CLEC9A: variants seen among roughly 807,000 people sequenced by gnomAD.
The protein encoded by CLEC9A is C-type lectin domain containing 9A, also known as C-type lectin domain family 9 member A.
A neutral mutation model predicts 30.0 loss-of-function variants in CLEC9A; 24 were observed. That is an observed-to-expected ratio of 0.80 (90% CI 0.58 to 1.13). CLEC9A has a LOEUF of 1.13. Ranked by LOEUF, CLEC9A falls within the 50% of genes most tolerant of loss-of-function variation. The probability of loss-of-function intolerance (pLI) is 0.00; values close to 1 mark genes in which losing one functional copy is unlikely to be tolerated. For synonymous variants in CLEC9A, 111 were observed against 96.8 expected (o/e 1.15, Z -0.86); for missense variants, 251 against 280.9 (o/e 0.89, Z 0.76).
intron 5 of CLEC9A, among the ~76,000 whole-genome samples, chr12:10,059,417 A>AACTCAAAATAG (rs1412818470): frequency 1.3e-5 from 2 of 152,238 alleles, no homozygotes; most frequent in Non-Finnish European, 2.9e-5. Context: ...ATTAAAAGTT[A>AACTCAAAATAG]ACTCAAAATA....
chr12:10,049,267 G>T (rs1300849460), intron 2 of CLEC9A, among the ~76,000 whole-genome samples: 2 of 152,142 alleles, frequency 1.3e-5, no homozygotes, highest in Non-Finnish European at 2.9e-5. Flanking sequence ...TAGAGAATAG[G>T]CAGGGTATAT....
chr12:10,032,392 T>TTA (rs1865706210), intron 1 of CLEC9A, among the ~76,000 whole-genome samples: 1 of 146,268 alleles, frequency 6.8e-6, no homozygotes, highest in South Asian at 2.2e-4. Flanking sequence ...GGGATTTCTT[T>TTA]TTTTTTTTTT....
At chr12:10,038,741 A>G (rs1251199557) in intron 1 of CLEC9A, among the ~76,000 whole-genome samples, 5 of 152,244 alleles carry the variant, frequency 3.3e-5, no homozygotes, top group African/African-American at 7.2e-5. Context: ...TTTCAATGCA[A>G]GCTAAAATAA....
chr12:10,040,941 A>G, intron 1 of CLEC9A: 1 of 198,096 alleles, frequency 5.0e-6, no homozygotes. Flanking sequence ...TATGTAATAA[A>G]ACAATCAGAA....
intron 4 of CLEC9A, among the ~76,000 whole-genome samples, 199 bp from the exon 5 acceptor site, chr12:10,054,072 T>G (rs1415827297): frequency 6.6e-6 from 1 of 152,236 alleles, no homozygotes; most frequent in Non-Finnish European, 1.5e-5. Context: ...TCACATATAT[T>G]CCAAGTTATG....
intron 2 of CLEC9A, among the ~76,000 whole-genome samples, chr12:10,047,639 G>A (rs1451297231): frequency 6.6e-6 from 1 of 152,136 alleles, no homozygotes; most frequent in Non-Finnish European, 1.5e-5. Flanking sequence ...CCACAATAAA[G>A]CAATTATTGC....
At chr12:10,032,385 A>AT (rs1360736331) in intron 1 of CLEC9A, among the ~76,000 whole-genome samples, 2 of 86,932 alleles carry the variant, frequency 2.3e-5, no homozygotes, top group South Asian at 4.7e-4. Flanking sequence ...CTCCTTAGGG[A>AT]TTTCTTTTTT....
At chr12:10,038,497 T>G (rs1311405551) in intron 1 of CLEC9A, among the ~76,000 whole-genome samples, 2 of 152,140 alleles carry the variant, frequency 1.3e-5, no homozygotes, top group Non-Finnish European at 2.9e-5. Flanking sequence ...TATTGAGAAG[T>G]CTAACATTCT....
Position 10,054,346 on chromosome 12 carries a change from T to G in CLEC9A, c.167T>G (p.Val56Gly). The G allele has an allele frequency of 6.2e-7, 1 of 1,606,588 alleles. No individual in the cohort carries two copies. The part of the protein sequence containing the change: ...GLLTASIFLG[V>G]KLLQVSTIAM... ...TTAACAGCATCCATTTTCTTGGGCG[T>G]CAAGTGTAAGTACTAAAAGATATTT... Residue 56 changes from valine (V) to glycine (G), a missense_variant, in exon 5 of 9, where the codon GTC (valine) becomes GGC (glycine). By Grantham distance (109) the Val-to-Gly change is moderately radical. Coordinates refer to ENST00000355819, the MANE Select transcript of CLEC9A (RefSeq NM_207345.4).
At chr12:10,051,796 A>G (rs1481680289) in intron 2 of CLEC9A, among the ~76,000 whole-genome samples, 195 bp from the exon 3 acceptor site, 1 of 152,232 alleles carries the variant, frequency 6.6e-6, no homozygotes, top group Admixed American at 6.5e-5. Context: ...GAAATGCTAA[A>G]TAATTCATGC....
rs1865994875 is a variant in CLEC9A, at chr12:10,061,268, G to A, written c.314G>A (p.Ser105Asn). 1 of 1,606,964 alleles carries A rather than the reference G, an allele frequency of 6.2e-7. No individual in the cohort carries two copies. The highest frequency in any genetic ancestry group is 1.3e-5 in the African/African-American group (1 of 74,470). The change falls in exon 6 of 9, where the codon AGT becomes AAT. Residue 105 changes from serine (S) to asparagine (N), a missense_variant. Coordinates refer to ENST00000355819, the MANE Select transcript of CLEC9A (RefSeq NM_207345.4). ...CAAGCCTTCATGCAAAACTCATTAA[G>A]TTCAGGTAATGGATAAAAATCAGTT... ...YCQAFMQNSL[S>N]SAHNSSPCPN...
chr12:10,046,986 C>G (rs2137303453), intron 2 of CLEC9A, among the ~76,000 whole-genome samples: 1 of 152,100 alleles, frequency 6.6e-6, no homozygotes, highest in East Asian at 1.9e-4. Context: ...ATCAGAATAC[C>G]AAGCATGTAA....
At chr12:10,059,197 G>GT (rs987547217) in intron 5 of CLEC9A, among the ~76,000 whole-genome samples, 2 of 152,098 alleles carry the variant, frequency 1.3e-5, no homozygotes, top group Admixed American at 1.3e-4. Flanking sequence ...AAAGCTAGGT[G>GT]TATTAGTCGA....
chr12:10,041,288 A>G (rs1026034810), intron 1 of CLEC9A, among the ~76,000 whole-genome samples, 178 bp from the exon 2 acceptor site: 1 of 152,090 alleles, frequency 6.6e-6, no homozygotes, highest in Non-Finnish European at 1.5e-5. Context: ...ACAAAAAAAA[A>G]CAGAAGGGCA....
chr12:10,050,074 G>A (rs571253628), intron 2 of CLEC9A, among the ~76,000 whole-genome samples: 2 of 152,234 alleles, frequency 1.3e-5, no homozygotes, highest in South Asian at 4.1e-4. Context: ...GGAATATAAG[G>A]AGGCTCAAGG....
chr12:10,034,985 G>A (rs971845343), intron 1 of CLEC9A, among the ~76,000 whole-genome samples: 41 of 152,328 alleles, frequency 2.7e-4, no homozygotes, highest in African/African-American at 9.9e-4. Context: ...TGAGTGCAAG[G>A]TTTTAGTGAA....
At position 10,030,900 on chromosome 12, in the gene CLEC9A, C is replaced by T. The variant is rs1865689753; in HGVS notation, c.-390C>T. 1 of 152,034 alleles carries T rather than the reference C, an allele frequency of 6.6e-6. No individual in the cohort carries two copies. Among genetic ancestry groups the T allele is most frequent in the Non-Finnish European group, 1.5e-5 (1 of 68,016 alleles). The allele number at this position is 152,034 out of a possible 1,614,324, so 9.4% of individuals were successfully genotyped here. ...CTTATCAAGATCTGGGTATTTGATC[C>T]ACACAATGGTAAAGATTCCCATGTT... On this transcript the variant is annotated 5_prime_UTR_variant, in exon 1 of 9. Coordinates refer to ENST00000355819, the MANE Select transcript of CLEC9A (RefSeq NM_207345.4).
At chr12:10,043,242 A>G in intron 2 of CLEC9A, 1 of 356,728 alleles carries the variant, frequency 2.8e-6, no homozygotes, top group Non-Finnish European at 5.5e-6. Context: ...GACTGGTTTA[A>G]TTCATTGGGT....
intron 1 of CLEC9A, among the ~76,000 whole-genome samples, chr12:10,032,915 A>G (rs1315951722): frequency 6.6e-6 from 1 of 152,100 alleles, no homozygotes. Context: ...GACAACAAAA[A>G]TGTTCAAAAA....
Sources: allele counts gnomAD v4.1 joint callset (sites outside exome capture counted in the v4.1 genomes callset), GRCh38; gene constraint gnomAD v4.1.1; transcripts MANE v1.5; gene names NCBI Gene and HGNC (gene_info 2026-07-23, HGNC 2026-07-21).